Variants in VSIG4 observed in about 807,000 individuals in gnomAD.
The protein encoded by VSIG4 is V-set and immunoglobulin domain-containing protein 4.
Under a neutral mutation model 23.4 loss-of-function variants are expected in VSIG4, and 34 were observed. That is an observed-to-expected ratio of 1.45 (90% CI 1.10 to 1.93). VSIG4 has a LOEUF of 1.93. Ranked by LOEUF, VSIG4 falls within the 30% of genes most tolerant of loss-of-function variation. The pLI is 0.00. For missense variants in VSIG4, 433 were observed against 310.8 expected, an observed-to-expected ratio of 1.39 and a Z score of -2.96; for synonymous variants, 169 against 120.3, an observed-to-expected ratio of 1.41 and a Z score of -2.65.
intron 1 of VSIG4, 126 bp from the exon 2 acceptor site, chrX:66,033,956 T>C (rs2085500682): frequency 3.8e-6 from 2 of 528,059 alleles, no homozygotes; most frequent in Non-Finnish European, 6.3e-6. Context: ...TATCACACTT[T>C]TGTGTACCTG....
chrX:66,039,548 C>T (rs988619048), intron 1 of VSIG4, among the ~76,000 whole-genome samples: 6 of 111,160 alleles, frequency 5.4e-5, no homozygotes, highest in Non-Finnish European at 7.6e-5. Context: ...ACTCCTTCTT[C>T]GGGGGCTGTA....
In VSIG4 at chrX:66,022,478, C is replaced by A. The variant is rs761396221; in HGVS notation, c.985G>T (p.Asp329Tyr). 1 of 1,211,720 alleles carries A rather than the reference C, an allele frequency of 8.3e-7. No individual in the cohort carries two copies. Among genetic ancestry groups the A allele is most frequent in the South Asian group, 1.8e-5 (1 of 56,970 alleles). Residue 329 changes from aspartate (D) to tyrosine (Y), a missense_variant, in exon 8 of 8, where the codon GAC becomes TAC. Physicochemically the swap from Asp to Tyr is radical, Grantham distance 160 (BLOSUM62 -3). Transcript: ENST00000374737. Reference protein sequence around the residue: ...AARAHAREANDSGETMRVAIF... With the variant: ...AARAHAREANYSGETMRVAIF... ...GCCACCCTCATGGTTTCTCCAGAGTCGTTGGCCTCTCTGGCATGTGCCCTA... is the reference window on the plus strand; with the variant it reads ...GCCACCCTCATGGTTTCTCCAGAGTAGTTGGCCTCTCTGGCATGTGCCCTA...
Position 66,025,123 on chromosome X carries a change from C to T in VSIG4, c.842G>A (p.Ser281Asn), listed in dbSNP as rs774458648. The T allele has an allele frequency of 2.5e-6, 3 of 1,187,700 alleles. No homozygotes were observed. The highest frequency in any genetic ancestry group is 2.3e-6 in the Non-Finnish European group (2 of 882,395). Residue 281 changes from serine to asparagine, a missense_variant, in exon 6 of 8, where the codon AGC becomes AAC. Physicochemically the swap from Ser to Asn is conservative, Grantham distance 46. Coordinates refer to ENST00000374737, the MANE Select transcript of VSIG4 (RefSeq NM_007268.3). ...LGETSAGPGK[S>N]LPVFAIILII... ...GAGGATGATGGCAAAGACAGGCAGG[C>T]TCTTTCCTAGAGGGTAAAACAAGAT... is the stretch of plus-strand genomic sequence containing the variant.
chrX:66,024,145 C>T (rs1250142052), intron 6 of VSIG4, among the ~76,000 whole-genome samples: 1 of 112,285 alleles, frequency 8.9e-6, no homozygotes. Flanking sequence ...TGATGCTAGG[C>T]AACATGACTA....
rs570690093 is a variant in VSIG4, at chrX:66,027,160, T to C, written c.835+289A>G. 1.2e-3 allele frequency among the ~76,000 whole-genome samples: 136 copies of C among 111,623 alleles called. 5 individuals carry two copies. The South Asian group carries it at 0.047, about 39-fold the overall frequency. ...TGTCATAATGTCCCTATCCATATTC[T>C]TGCTCAGAATGTTTGGAAAGCATAT... On this transcript the variant is annotated intron_variant, in intron 5 of 7. Transcript: ENST00000374737.
At chrX:66,032,333 T>C (rs752863398) in intron 3 of VSIG4, 135 bp downstream of exon 3, 171 of 827,730 alleles carry the variant, frequency 2.1e-4, no homozygotes, top group Non-Finnish European at 2.7e-4. Flanking sequence ...AAGTTTTTTT[T>C]CTTTGTGATT....
intron 7 of VSIG4, 80 bp downstream of exon 7, chrX:66,022,761 C>A: frequency 1.7e-6 from 2 of 1,207,752 alleles, no homozygotes; most frequent in South Asian, 1.8e-5. Flanking sequence ...GCCACACCCC[C>A]CTTCCTCCAC....
In VSIG4 at chrX:66,026,663, C is replaced by G. The variant is rs188092981; in HGVS notation, c.835+786G>C. On this transcript the variant is annotated intron_variant, in intron 5 of 7. Transcript: ENST00000374737. ...CAAAGAGCATTTGGAAGTCCACTCT[C>G]TCAATTATACACAGGCAGAGAATGA... Among the ~76,000 whole-genome samples, 3 of 112,278 alleles carry G rather than the reference C, an allele frequency of 2.7e-5. No individual in the cohort carries two copies. The East Asian group carries it at 8.5e-4, about 32-fold the overall frequency.
intron 2 of VSIG4, among the ~76,000 whole-genome samples, chrX:66,033,126 C>A (rs1037593172): frequency 9.0e-6 from 1 of 111,169 alleles, no homozygotes; most frequent in Non-Finnish European, 1.9e-5. Flanking sequence ...GCCTCCCTTT[C>A]CCCAGAGCTT....
At chrX:66,034,972 C>A (rs767807758) in intron 1 of VSIG4, among the ~76,000 whole-genome samples, 47 of 110,975 alleles carry the variant, frequency 4.2e-4, no homozygotes, top group African/African-American at 1.5e-3. Context: ...GAATAAAAGT[C>A]TTTTATTGAG....
chrX:66,024,230 TTGG>T (rs1195780066), intron 6 of VSIG4, among the ~76,000 whole-genome samples: 2 of 112,593 alleles, frequency 1.8e-5, no homozygotes, highest in East Asian at 5.5e-4. Flanking sequence ...TCCTCCTCGG[TTGG>T]TTCATAGTTT....
chrX:66,039,600 T>C (rs1472375513), intron 1 of VSIG4, among the ~76,000 whole-genome samples: 1 of 111,869 alleles, frequency 8.9e-6, no homozygotes, highest in African/African-American at 3.3e-5. Flanking sequence ...AGTGGTTAAG[T>C]CCAATTGTAG....
rs752749234 is a variant in VSIG4 at position 66,022,372 on chromosome X, C to T, written c.1091G>A (p.Gly364Glu). ...CTGGGCGATGATCTGGTACTCCTGT[C>T]CTATGCAGGGCTCATCAGAGTAGTT... The part of the protein sequence containing the change: ...GNNYSDEPCI[G>E]QEYQIIAQIN... The change falls in exon 8 of 8, where the codon GGA (glycine) becomes GAA (glutamate). Residue 364 changes from glycine (G) to glutamate (E), a missense_variant. Gly to Glu is a moderately conservative substitution (Grantham distance 98). Coordinates refer to ENST00000374737, the MANE Select transcript of VSIG4 (RefSeq NM_007268.3). 35 of 1,211,062 alleles carry T rather than the reference C, an allele frequency of 2.9e-5. No homozygotes were observed. The South Asian group carries it at 5.4e-4, about 19-fold the overall frequency.
chrX:66,036,808 A>T (rs1395062394), intron 1 of VSIG4, among the ~76,000 whole-genome samples: 1 of 39,574 alleles, frequency 2.5e-5, no homozygotes, highest in African/African-American at 1.2e-4. Context: ...ATATTATATA[A>T]TATTATATAT....
chrX:66,022,409 T>C lies in VSIG4; in HGVS notation c.1054A>G (p.Asn352Asp), dbSNP rs2085342870. 8.3e-7 allele frequency: 1 copy of C among 1,210,863 alleles called. No individual in the cohort carries two copies. The highest frequency in any genetic ancestry group is 1.7e-5 in the African/African-American group (1 of 57,467). The change falls in exon 8 of 8, where the codon AAT (asparagine) becomes GAT (aspartate). Residue 352 changes from asparagine to aspartate, a missense_variant. Asn to Asp is a conservative substitution (Grantham distance 23). Transcript: ENST00000374737. ...GCSSDEPTSQNLGNNYSDEPC... is the reference protein window; with the variant it reads ...GCSSDEPTSQDLGNNYSDEPC... ...TCATCAGAGTAGTTGTTGCCCAGAT[T>C]CTGGGAAGTTGGCTCATCACTGGAG...
At chrX:66,037,496 AAT>A (rs1247103999) in intron 1 of VSIG4, among the ~76,000 whole-genome samples, 3 of 65,417 alleles carry the variant, frequency 4.6e-5, no homozygotes, top group African/African-American at 1.9e-4. Flanking sequence ...TACAATATAT[AAT>A]ATATATTATA....
chrX:66,033,591 G>A lies in VSIG4; in HGVS notation c.295C>T (p.Gln99Ter). 8.3e-7 allele frequency: 1 copy of A among 1,211,419 alleles called. No individual in the cohort carries two copies. ...SHKVPGDVSLQLSTLEMDDRS... is the reference protein window; with the variant it reads ...SHKVPGDVSL ...TCATCCATCTCCAGGGTGCTCAATT[G>A]GAGGGATACATCTCCTGGAACCTTG... Residue 99 changes from glutamine to a stop codon, truncating the protein, a stop_gained, in exon 2 of 8, where the codon CAA becomes TAA. Coordinates refer to ENST00000374737, the MANE Select transcript of VSIG4 (RefSeq NM_007268.3). LOFTEE classifies it high-confidence loss of function.
At chrX:66,023,331 C>T (rs1479132248) in intron 6 of VSIG4, among the ~76,000 whole-genome samples, 1 of 111,458 alleles carries the variant, frequency 9.0e-6, no homozygotes, top group Non-Finnish European at 1.9e-5. Context: ...CAGGAAAAAC[C>T]ATGGTATTGG....
chrX:66,021,851 C>T lies in VSIG4; in HGVS notation c.*412G>A. 1 of 287,306 alleles carries T rather than the reference C, an allele frequency of 3.5e-6. No homozygotes were observed. The highest frequency in any genetic ancestry group is 6.4e-6 in the Non-Finnish European group (1 of 155,655). 23.7% of individuals were successfully genotyped at this position (287,306 alleles called of 1,213,427 possible). A position where few individuals can be genotyped will look rare whatever the true frequency, so the allele number is the denominator to read the frequency against. On this transcript the variant is annotated 3_prime_UTR_variant, in exon 8 of 8. Transcript: ENST00000374737. Reference sequence around the variant, plus strand: ...GTGAAATAACAATTTCAATTAAAAGCTGTCTGGCCCTGAAGAAAGAGAAAT... The same window carrying T: ...GTGAAATAACAATTTCAATTAAAAGTTGTCTGGCCCTGAAGAAAGAGAAAT...
Sources: allele counts gnomAD v4.1 joint callset (sites outside exome capture counted in the v4.1 genomes callset), GRCh38; gene constraint gnomAD v4.1.1; transcripts MANE v1.5; gene names NCBI Gene and HGNC (gene_info 2026-07-23, HGNC 2026-07-21).